Variants in PDZRN4 observed in about 807,000 individuals in gnomAD.
PDZRN4 encodes PDZ domain containing ring finger 4.
PDZRN4 carries 70 observed loss-of-function variants against 99.0 expected under a neutral mutation model. The ratio of observed to expected loss-of-function variants is 0.71; its 90% CI spans 0.58 to 0.86. The LOEUF is 0.86. Ranked by LOEUF, PDZRN4 falls within the 40% of genes least tolerant of loss-of-function variation. The pLI, the probability that PDZRN4 is intolerant of heterozygous loss-of-function variation, is 0.00. For synonymous variants in PDZRN4, 551 were observed against 501.6 expected (o/e 1.10, Z -1.32); for missense variants, 1,474 against 1,331.2 (o/e 1.11, Z -1.67).
intron 3 of PDZRN4, among the ~76,000 whole-genome samples, chr12:41,225,398 C>A (rs1591975383): frequency 1.3e-5 from 2 of 150,072 alleles, no homozygotes; most frequent in Admixed American, 6.7e-5. Context: ...TTTTATCATT[C>A]ATATTGGGAA....
chr12:41,338,031 C>T (rs1290058933), intron 3 of PDZRN4, among the ~76,000 whole-genome samples: 1 of 152,076 alleles, frequency 6.6e-6, no homozygotes, highest in Non-Finnish European at 1.5e-5. Flanking sequence ...GCAGCTGGGA[C>T]TACATGTGCA....
chr12:41,321,435 G>A (rs772135121), intron 3 of PDZRN4, among the ~76,000 whole-genome samples: 1 of 152,182 alleles, frequency 6.6e-6, no homozygotes, highest in Non-Finnish European at 1.5e-5. Context: ...CACACAGCCT[G>A]ACAGAGAAAT....
intron 3 of PDZRN4, among the ~76,000 whole-genome samples, chr12:41,414,025 T>C (rs952725699): frequency 6.6e-6 from 1 of 152,182 alleles, no homozygotes; most frequent in Non-Finnish European, 1.5e-5. Context: ...TAATTTCCCT[T>C]AATGATTGCT....
At chr12:41,491,907 C>A (rs1046965571) in intron 3 of PDZRN4, among the ~76,000 whole-genome samples, 1 of 152,120 alleles carries the variant, frequency 6.6e-6, no homozygotes, top group African/African-American at 2.4e-5. Flanking sequence ...TTTATTAACA[C>A]CCAGTATAGA....
chr12:41,561,850 C>T (rs1441650084), intron 7 of PDZRN4, among the ~76,000 whole-genome samples: 1 of 151,828 alleles, frequency 6.6e-6, no homozygotes, highest in Admixed American at 6.6e-5. Context: ...CCTCAAAGTG[C>T]AAATAGAGTA....
rs1282062507 is a variant in PDZRN4 at position 41,188,660 on chromosome 12, C to G, written c.205C>G (p.Pro69Ala). Residue 69 changes from proline (P) to alanine (A), a missense_variant, in exon 1 of 10, where the codon CCG becomes GCG. Pro to Ala is a conservative substitution (Grantham distance 27). Coordinates refer to ENST00000402685, the MANE Select transcript of PDZRN4 (RefSeq NM_001164595.2). Reference sequence around the variant, plus strand: ...GCCCGGCGAGCTGTACCGGGTGCTGCCGCTGCGCAGCCTCATCCAGAAGCT... The same window carrying G: ...GCCCGGCGAGCTGTACCGGGTGCTGGCGCTGCGCAGCCTCATCCAGAAGCT... ...LAPGELYRVL[P>A]LRSLIQKLRV... 6.5e-7 allele frequency: 1 copy of G among 1,548,074 alleles called. No homozygotes were observed. The highest frequency in any genetic ancestry group is 8.7e-7 in the Non-Finnish European group (1 of 1,154,750).
chr12:41,316,456 A>ATGTGTGTGTGTGTG (rs71081722), intron 3 of PDZRN4, among the ~76,000 whole-genome samples: 68 of 144,530 alleles, frequency 4.7e-4, no homozygotes, highest in African/African-American at 1.4e-3. Context: ...AAAAAGGCAA[A>ATGTGTGTGTGTGTG]TGTGTGTGTG....
chr12:41,314,668 T>A (rs191596566), intron 3 of PDZRN4, among the ~76,000 whole-genome samples: 1 of 152,272 alleles, frequency 6.6e-6, no homozygotes, highest in East Asian at 1.9e-4. Context: ...AAGAGTGGAA[T>A]GTTTGTGTGG....
At chr12:41,396,561 G>A (rs1382727774) in intron 3 of PDZRN4, among the ~76,000 whole-genome samples, 1 of 152,114 alleles carries the variant, frequency 6.6e-6, no homozygotes, top group Non-Finnish European at 1.5e-5. Flanking sequence ...AAGAATTCAG[G>A]AGCAACAAAA....
At chr12:41,513,795 G>T (rs942480796) in intron 5 of PDZRN4, among the ~76,000 whole-genome samples, 6 of 152,178 alleles carry the variant, frequency 3.9e-5, no homozygotes, top group African/African-American at 4.8e-5. Context: ...AGATATGTTT[G>T]CAACTGCCTG....
At chr12:41,408,558 T>G (rs1952366034) in intron 3 of PDZRN4, among the ~76,000 whole-genome samples, 1 of 152,184 alleles carries the variant, frequency 6.6e-6, no homozygotes, top group Non-Finnish European at 1.5e-5. Flanking sequence ...TAAAGAGCTA[T>G]GCTGAATATG....
chr12:41,307,658 G>A (rs1305112702), intron 3 of PDZRN4, among the ~76,000 whole-genome samples: 1 of 150,862 alleles, frequency 6.6e-6, no homozygotes, highest in African/African-American at 2.4e-5. Context: ...TACTACAGCA[G>A]CTTCACAAAA....
intron 5 of PDZRN4, among the ~76,000 whole-genome samples, chr12:41,511,988 G>A (rs78636548): frequency 0.043 from 6,512 of 152,182 alleles, 198 homozygotes; most frequent in Non-Finnish European, 0.067. Context: ...CTCTAGGAGC[G>A]GGATGGATGA....
At chr12:41,441,705 G>T (rs1952682327) in intron 3 of PDZRN4, among the ~76,000 whole-genome samples, 1 of 151,944 alleles carries the variant, frequency 6.6e-6, no homozygotes, top group Non-Finnish European at 1.5e-5. Context: ...AATTTATTTT[G>T]TCTCATACTA....
At chr12:41,288,845 C>A (rs568502094) in intron 3 of PDZRN4, among the ~76,000 whole-genome samples, 1 of 151,988 alleles carries the variant, frequency 6.6e-6, no homozygotes, top group Non-Finnish European at 1.5e-5. Context: ...GTTAAACTAT[C>A]CAAGCCTTCT....
intron 3 of PDZRN4, among the ~76,000 whole-genome samples, chr12:41,374,047 A>T (rs1463231229): frequency 6.6e-6 from 1 of 152,170 alleles, no homozygotes; most frequent in Non-Finnish European, 1.5e-5. Flanking sequence ...ACAGAGCATT[A>T]TTAGGGACTT....
intron 5 of PDZRN4, among the ~76,000 whole-genome samples, chr12:41,521,835 A>C (rs1316205934): frequency 5.3e-5 from 8 of 152,076 alleles, no homozygotes; most frequent in African/African-American, 1.9e-4. Context: ...TGTCAAGAGG[A>C]TATAGTATTT....
chr12:41,345,875 G>T (rs575223593), intron 3 of PDZRN4, among the ~76,000 whole-genome samples: 1 of 152,116 alleles, frequency 6.6e-6, no homozygotes, highest in South Asian at 2.1e-4. Flanking sequence ...TATTTTGAAA[G>T]GGTATGACAG....
chr12:41,544,179 A>C lies in PDZRN4; in HGVS notation c.1204-8477A>C, dbSNP rs147905787. Among the ~76,000 whole-genome samples the C allele has an allele frequency of 2.6e-4, 40 of 152,348 alleles. 3 individuals are homozygous for C. In the East Asian group the frequency reaches 6.2e-3, roughly 23 times the overall value. On this transcript the variant is annotated intron_variant, in intron 5 of 9. Coordinates refer to ENST00000402685, the MANE Select transcript of PDZRN4 (RefSeq NM_001164595.2). The stretch of plus-strand genomic sequence containing the variant: ...GTGCTAGGAAAATGTCCAGTGAGTA[A>C]AGTGAATAAGTAAAAACTGAACATG...
Sources: gnomAD v4.1 joint callset for allele counts (sites outside exome capture counted in the v4.1 genomes callset) on GRCh38, gnomAD v4.1.1 for gene constraint, MANE v1.5 for transcripts, NCBI Gene and HGNC (gene_info 2026-07-23, HGNC 2026-07-21) for gene names.